ST18: variants seen among roughly 807,000 people sequenced by gnomAD.
ST18 encodes the protein suppression of tumorigenicity 18 protein.
Under a neutral mutation model 110.0 loss-of-function variants are expected in ST18, and 50 were observed. That is an observed-to-expected ratio of 0.45 (90% CI 0.36 to 0.58). The LOEUF (loss-of-function observed/expected upper bound fraction) is 0.58. Ranked by LOEUF, ST18 falls within the 20% of genes least tolerant of loss-of-function variation. ST18 has a pLI of 0.00. For missense variants in ST18, 1,306 were observed against 1,280.1 expected, an observed-to-expected ratio of 1.02 and a Z score of -0.31; for synonymous variants, 461 against 452.4, an observed-to-expected ratio of 1.02 and a Z score of -0.24.
chr8:52,223,619 G>A (rs1020283214), intron 3 of ST18, among the ~76,000 whole-genome samples: 11 of 149,514 alleles, frequency 7.4e-5, no homozygotes, highest in African/African-American at 2.7e-4. Context: ...ACTCCAGCCT[G>A]AGCAACAGAG....
intron 19 of ST18, among the ~76,000 whole-genome samples, chr8:52,134,715 A>G (rs953247539): frequency 1.3e-5 from 2 of 152,196 alleles, no homozygotes; most frequent in African/African-American, 2.4e-5. Context: ...CATAATATGT[A>G]TCTTCCATTA....
intron 2 of ST18, among the ~76,000 whole-genome samples, chr8:52,314,680 T>A (rs1276532411): frequency 6.6e-6 from 1 of 152,168 alleles, no homozygotes; most frequent in Non-Finnish European, 1.5e-5. Context: ...CAACCAACCA[T>A]GGCCTCCATC....
At chr8:52,215,893 T>A (rs1271770093) in intron 6 of ST18, among the ~76,000 whole-genome samples, 1 of 152,150 alleles carries the variant, frequency 6.6e-6, no homozygotes, top group Non-Finnish European at 1.5e-5. Context: ...TGCCCCTCCA[T>A]GTGCTAAATG....
At chr8:52,201,725 T>G (rs2078046022) in intron 8 of ST18, among the ~76,000 whole-genome samples, 1 of 152,188 alleles carries the variant, frequency 6.6e-6, no homozygotes, top group Non-Finnish European at 1.5e-5. Context: ...GTCCTGGCAG[T>G]CACTTTGCTT....
At chr8:52,139,291 A>T (rs1467392172) in intron 17 of ST18, among the ~76,000 whole-genome samples, 4 of 152,130 alleles carry the variant, frequency 2.6e-5, no homozygotes, top group African/African-American at 9.6e-5. Context: ...TTAGAAATAC[A>T]TCGCCATTTA....
intron 8 of ST18, among the ~76,000 whole-genome samples, chr8:52,189,191 G>T (rs2073573548): frequency 6.6e-6 from 1 of 152,032 alleles, no homozygotes; most frequent in African/African-American, 2.4e-5. Context: ...GAGTAGAAAG[G>T]GTGCACAGGC....
At chr8:52,373,499 G>C (rs1470826236) in intron 2 of ST18, among the ~76,000 whole-genome samples, 2 of 151,832 alleles carry the variant, frequency 1.3e-5, no homozygotes, top group African/African-American at 4.8e-5. Context: ...CAGTGATCTT[G>C]TTATTCGCCC....
intron 15 of ST18, among the ~76,000 whole-genome samples, chr8:52,156,926 T>C (rs1216773529): frequency 1.3e-5 from 2 of 152,204 alleles, no homozygotes; most frequent in Non-Finnish European, 2.9e-5. Flanking sequence ...CTGTGTGCTC[T>C]CTGTCTCTTC....
chr8:52,363,080 C>T (rs1255058603), intron 2 of ST18, among the ~76,000 whole-genome samples: 4 of 152,118 alleles, frequency 2.6e-5, no homozygotes, highest in East Asian at 1.9e-4. Flanking sequence ...GGCATGGTGG[C>T]GGGTGCCTGT....
At chr8:52,381,116 T>C (rs1236576925) in intron 2 of ST18, among the ~76,000 whole-genome samples, 2 of 152,208 alleles carry the variant, frequency 1.3e-5, no homozygotes, top group East Asian at 3.9e-4. Context: ...TGCTGAAGCC[T>C]AAATATCTCC....
intron 2 of ST18, among the ~76,000 whole-genome samples, chr8:52,357,959 A>C (rs1043659297): frequency 1.5e-4 from 22 of 151,256 alleles, no homozygotes; most frequent in Non-Finnish European, 1.6e-4. Context: ...GAACCACAAA[A>C]TAAGTCTCAA....
At chr8:52,393,075 C>T (rs925501654) in intron 2 of ST18, among the ~76,000 whole-genome samples, 2 of 152,288 alleles carry the variant, frequency 1.3e-5, no homozygotes, top group South Asian at 2.1e-4. Flanking sequence ...AGACCCTATT[C>T]GCCTGCTTCA....
At chr8:52,156,728 C>T (rs573682398) in intron 15 of ST18, among the ~76,000 whole-genome samples, 4 of 152,270 alleles carry the variant, frequency 2.6e-5, no homozygotes, top group African/African-American at 9.6e-5. Context: ...CAGTTGTGTG[C>T]AAATGTGTGC....
intron 13 of ST18, among the ~76,000 whole-genome samples, chr8:52,162,657 A>G (rs1325344109): frequency 2.0e-5 from 3 of 152,204 alleles, no homozygotes; most frequent in Non-Finnish European, 4.4e-5. Context: ...TGTGAATTAT[A>G]TATTCTTTTA....
intron 16 of ST18, 61 bp downstream of exon 16, chr8:52,149,671 G>T: frequency 1.9e-6 from 3 of 1,552,736 alleles, no homozygotes; most frequent in South Asian, 1.2e-5. Flanking sequence ...GGAGGGAAAA[G>T]CTAGTGATAC....
intron 3 of ST18, among the ~76,000 whole-genome samples, chr8:52,223,181 T>G (rs940409563): frequency 6.6e-6 from 1 of 152,214 alleles, no homozygotes; most frequent in Non-Finnish European, 1.5e-5. Context: ...GTACTGCGCC[T>G]GAGAAAGACA....
intron 2 of ST18, among the ~76,000 whole-genome samples, chr8:52,373,147 A>G (rs1830848854): frequency 6.6e-6 from 1 of 152,050 alleles, no homozygotes; most frequent in Non-Finnish European, 1.5e-5. Context: ...GGAAATCCAT[A>G]TGAGAGTTTG....
chr8:52,116,551 G>T, intron 24 of ST18, 133 bp from the exon 25 acceptor site: 2 of 841,794 alleles, frequency 2.4e-6, no homozygotes, highest in South Asian at 2.0e-5. Context: ...TAACTTCTCA[G>T]CATGAAGCTG....
chr8:52,233,353 G>A (rs1366884538), intron 2 of ST18, among the ~76,000 whole-genome samples: 1 of 151,976 alleles, frequency 6.6e-6, no homozygotes, highest in Non-Finnish European at 1.5e-5. Context: ...AGATGTGGAG[G>A]CCAAATTTAT....
Sources: allele counts gnomAD v4.1 joint callset (sites outside exome capture counted in the v4.1 genomes callset), GRCh38; gene constraint gnomAD v4.1.1; transcripts MANE v1.5; gene names NCBI Gene and HGNC (gene_info 2026-07-23, HGNC 2026-07-21).